The following POLD3 variants were observed in gnomAD, a reference collection of about 807,000 sequenced individuals.
POLD3 encodes the protein DNA polymerase delta subunit 3.
A neutral mutation model predicts 58.2 loss-of-function variants in POLD3; 19 were observed. That is an observed-to-expected ratio of 0.33 (90% CI 0.23 to 0.48). POLD3 has a LOEUF of 0.48. Among genes scored for constraint, POLD3 ranks in the 20% least tolerant of loss-of-function variants. POLD3 has a pLI of 0.99. For synonymous variants in POLD3, 172 were observed against 193.5 expected (o/e 0.89, Z 0.92); for missense variants, 504 against 545.5 (o/e 0.92, Z 0.76).
At chr11:74,601,280 T>A (rs571698231) in intron 2 of POLD3, among the ~76,000 whole-genome samples, 1 of 152,312 alleles carries the variant, frequency 6.6e-6, no homozygotes, top group African/African-American at 2.4e-5. Context: ...ATCTGTTAGC[T>A]CATTTATCCT....
At chr11:74,656,300 A>C (rs1378100248) in intron 4 of POLD3, among the ~76,000 whole-genome samples, 1 of 152,140 alleles carries the variant, frequency 6.6e-6, no homozygotes, top group African/African-American at 2.4e-5. Context: ...GTTTCAAGAA[A>C]TTTTTTGGCC....
At chr11:74,648,735 T>TG (rs1196713575) in intron 4 of POLD3, among the ~76,000 whole-genome samples, 1 of 152,320 alleles carries the variant, frequency 6.6e-6, no homozygotes, top group East Asian at 1.9e-4. Flanking sequence ...GTTTAGACCT[T>TG]GCACTATAGG....
At chr11:74,647,215 C>T (rs535681050), downstream of POLD3, among the ~76,000 whole-genome samples, 13 of 152,316 alleles carry the variant, frequency 8.5e-5, no homozygotes, top group South Asian at 2.3e-3. Flanking sequence ...AGAACCAGTC[C>T]GCAGCCCGGG....
intron 10 of POLD3, among the ~76,000 whole-genome samples, chr11:74,635,862 C>G (rs1003248121): frequency 6.6e-6 from 1 of 152,230 alleles, no homozygotes; most frequent in Non-Finnish European, 1.5e-5. Context: ...TTCCTTCTCT[C>G]TCTCCTCCAC....
rs754866933 is a variant in POLD3, at chr11:74,619,970, C to T, written c.661-47C>T. ...TTGTTTGAGACTGCTACTTCATGAA[C>T]AGCCTAAATGCCAGCAAAAAATCAT... On this transcript the variant is annotated intron_variant, in intron 6 of 11. Coordinates refer to ENST00000263681, the MANE Select transcript of POLD3 (RefSeq NM_006591.3). 6.2e-6 allele frequency: 9 copies of T among 1,448,624 alleles called. No individual in the cohort carries two copies. In the Admixed American group the frequency reaches 1.2e-4, roughly 19 times the overall value. The allele number at this position is 1,448,624 out of a possible 1,614,324, so 89.7% of individuals were successfully genotyped here.
downstream of POLD3, among the ~76,000 whole-genome samples, chr11:74,647,908 T>G (rs926973881): frequency 6.6e-6 from 1 of 152,178 alleles, no homozygotes; most frequent in African/African-American, 2.4e-5. Flanking sequence ...ATAAGAGTGC[T>G]TACCACGGGC....
chr11:74,668,704 T>TGG lies in POLD3; in HGVS notation c.370-70_370-69dup, dbSNP rs1222301216. ...GGCCCGGAGTAGCTAGGAGGGAGAA[T>TGG]GGGGTTAGGGGGTATAATGGGAGAA... is the stretch of plus-strand genomic sequence containing the variant. On this transcript the variant is annotated intron_variant, in intron 4 of 4. Transcript: ENST00000524752. 4 of 1,080,564 alleles carry TGG rather than the reference T, an allele frequency of 3.7e-6. No homozygotes were observed. In the Admixed American group the frequency reaches 9.3e-5, roughly 25 times the overall value. The allele number at this position is 1,080,564 out of a possible 1,614,324, so 66.9% of individuals were successfully genotyped here.
rs1185880831 is a variant in POLD3, at chr11:74,634,606, T to C, written c.1030T>C (p.Tyr344His). 5 of 1,609,146 alleles carry C rather than the reference T, an allele frequency of 3.1e-6. No individual in the cohort carries two copies. Among genetic ancestry groups the C allele is most frequent in the Non-Finnish European group, 4.3e-6 (5 of 1,175,580 alleles). Residue 344 changes from tyrosine to histidine, a missense_variant, in exon 10 of 12, where the codon TAT (tyrosine) becomes CAT (histidine). By Grantham distance (83) the Tyr-to-His change is moderately conservative. Coordinates refer to ENST00000263681, the MANE Select transcript of POLD3 (RefSeq NM_006591.3). ...DEVFPDSPGA[Y>H]EAESPSPPPP... ...AGTCTTTCCAGACTCTCCTGGGGCT[T>C]ATGAAGCTGAGTCACCATCCCCACC...
intron 4 of POLD3, among the ~76,000 whole-genome samples, chr11:74,648,738 A>G (rs2033032260): frequency 6.6e-6 from 1 of 152,220 alleles, no homozygotes; most frequent in Non-Finnish European, 1.5e-5. Flanking sequence ...TAGACCTTGC[A>G]CTATAGGCAA....
intron 6 of POLD3, 100 bp from the exon 7 acceptor site, chr11:74,619,916 AC>A (rs2032200158): frequency 2.3e-6 from 2 of 859,220 alleles, no homozygotes; most frequent in Admixed American, 1.8e-5. Flanking sequence ...TAGAGACTAT[AC>A]CATCGCAACA....
At chr11:74,648,994 T>C (rs2033035198) in intron 4 of POLD3, among the ~76,000 whole-genome samples, 1 of 152,178 alleles carries the variant, frequency 6.6e-6, no homozygotes, top group African/African-American at 2.4e-5. Context: ...ATGATTAGCC[T>C]TTTGCTAGGT....
At chr11:74,667,184 G>A (rs1331870019) in intron 4 of POLD3, among the ~76,000 whole-genome samples, 1 of 152,204 alleles carries the variant, frequency 6.6e-6, no homozygotes, top group Non-Finnish European at 1.5e-5. Flanking sequence ...AAGATTAAAA[G>A]TTCTAGAGAT....
At chr11:74,654,092 C>A (rs1322723263) in intron 4 of POLD3, among the ~76,000 whole-genome samples, 1 of 152,146 alleles carries the variant, frequency 6.6e-6, no homozygotes, top group Non-Finnish European at 1.5e-5. Flanking sequence ...AGTGATCCCC[C>A]CAGATGACTC....
intron 3 of POLD3, among the ~76,000 whole-genome samples, chr11:74,606,495 G>C (rs778757963): frequency 2.0e-5 from 3 of 151,766 alleles, no homozygotes; most frequent in Admixed American, 1.3e-4. Flanking sequence ...TTCTTTTTTT[G>C]GTCATTGATC....
intron 4 of POLD3, among the ~76,000 whole-genome samples, chr11:74,656,822 C>T (rs1461086520): frequency 1.3e-5 from 2 of 151,226 alleles, no homozygotes; most frequent in Non-Finnish European, 2.9e-5. Flanking sequence ...GATCCATGTG[C>T]TGAGGAGAAG....
rs1238940960 is a variant in POLD3, at chr11:74,642,929, T to C, written c.*2163T>C. The C allele has an allele frequency of 1.0e-6, 1 of 985,086 alleles. No homozygotes were observed. Among genetic ancestry groups the C allele is most frequent in the African/African-American group, 1.7e-5 (1 of 57,236 alleles). 61.0% of individuals were successfully genotyped at this position (985,086 alleles called of 1,614,324 possible). ...GAAATGTTAGTTTCAGCCAACCTCA[T>C]TTTTTAGTTCATCTAGAAGAAAATC... On this transcript the variant is annotated 3_prime_UTR_variant, in exon 12 of 12. Coordinates refer to ENST00000263681, the MANE Select transcript of POLD3 (RefSeq NM_006591.3).
intron 7 of POLD3, among the ~76,000 whole-genome samples, chr11:74,624,916 G>A (rs1254084595): frequency 6.6e-6 from 1 of 152,012 alleles, no homozygotes; most frequent in Non-Finnish European, 1.5e-5. Context: ...AGTGAAGCGG[G>A]GTTTGAACCA....
At chr11:74,660,243 C>G (rs1028009492) in intron 4 of POLD3, among the ~76,000 whole-genome samples, 1 of 152,196 alleles carries the variant, frequency 6.6e-6, no homozygotes, top group Non-Finnish European at 1.5e-5. Context: ...TTATCTCCTC[C>G]TGGGTCCCTC....
rs764192519 is a variant in POLD3, at chr11:74,629,302, T to C, written c.985T>C (p.Ser329Pro). ...KKRRRIKLPESDSSEDEVFPD... is the reference protein window; with the variant it reads ...KKRRRIKLPEPDSSEDEVFPD... ...GAGGAGAAGAATCAAACTTCCTGAA[T>C]CTGATAGCAGTGAAGATGAAGGTGG... is the stretch of plus-strand genomic sequence containing the variant. Residue 329 changes from serine to proline, a missense_variant, in exon 9 of 12, where the codon TCT becomes CCT. By Grantham distance (74) the Ser-to-Pro change is moderately conservative. Coordinates refer to ENST00000263681, the MANE Select transcript of POLD3 (RefSeq NM_006591.3). 6.2e-7 allele frequency: 1 copy of C among 1,604,668 alleles called. No individual in the cohort carries two copies. Among genetic ancestry groups the C allele is most frequent in the Non-Finnish European group, 8.5e-7 (1 of 1,173,046 alleles).
Sources: allele counts gnomAD v4.1 joint callset (sites outside exome capture counted in the v4.1 genomes callset), GRCh38; gene constraint gnomAD v4.1.1; transcripts MANE v1.5; gene names NCBI Gene and HGNC (gene_info 2026-07-23, HGNC 2026-07-21).